Variants in PARD3B observed in about 807,000 individuals in gnomAD.
PARD3B encodes the protein partitioning defective 3 homolog B.
In PARD3B, 103 loss-of-function variants were observed where a neutral mutation model predicts 130.2. The observed-to-expected ratio is 0.79, with a 90% CI of 0.67 to 0.93. The LOEUF is 0.93. Among genes scored for constraint, PARD3B ranks in the 40% least tolerant of loss-of-function variants. The probability of loss-of-function intolerance (pLI) is 0.00; values close to 1 mark genes in which losing one functional copy is unlikely to be tolerated. For missense variants in PARD3B, 1,609 were observed against 1,499.2 expected, an observed-to-expected ratio of 1.07 and a Z score of -1.21; for synonymous variants, 583 against 553.2, an observed-to-expected ratio of 1.05 and a Z score of -0.76.
At chr2:205,188,408 G>C (rs547394134) in intron 14 of PARD3B, among the ~76,000 whole-genome samples, 1 of 152,160 alleles carries the variant, frequency 6.6e-6, no homozygotes, top group Non-Finnish European at 1.5e-5. Flanking sequence ...GCATTGAAGC[G>C]CTTTGAGCCT....
intron 10 of PARD3B, among the ~76,000 whole-genome samples, chr2:205,136,281 C>A (rs2032477179): frequency 6.6e-6 from 1 of 152,154 alleles, no homozygotes; most frequent in African/African-American, 2.4e-5. Flanking sequence ...TCGTACCTTT[C>A]TGGAACTAAG....
intron 15 of PARD3B, among the ~76,000 whole-genome samples, chr2:205,226,380 T>C (rs1223092458): frequency 1.3e-5 from 2 of 152,220 alleles, no homozygotes; most frequent in African/African-American, 4.8e-5. Context: ...TTTGCCCATG[T>C]TTGCAGTTGG....
intron 10 of PARD3B, among the ~76,000 whole-genome samples, chr2:205,137,201 AGACTTTAAAAGTCAAAG>A (rs1236996103): frequency 6.6e-6 from 1 of 152,186 alleles, no homozygotes; most frequent in Non-Finnish European, 1.5e-5. Context: ...TAAAGTCAAA[AGACTTTAAAAGTCAAAG>A]GACTTTAAAA....
chr2:205,262,651 TG>T (rs2040359131), intron 16 of PARD3B, among the ~76,000 whole-genome samples: 1 of 152,130 alleles, frequency 6.6e-6, no homozygotes, highest in Non-Finnish European at 1.5e-5. Flanking sequence ...ACGATTTTCT[TG>T]TGAATTGTCT....
intron 2 of PARD3B, among the ~76,000 whole-genome samples, chr2:204,923,912 A>T (rs1447700865): frequency 6.6e-6 from 1 of 152,080 alleles, no homozygotes; most frequent in Non-Finnish European, 1.5e-5. Flanking sequence ...AGTGATCCGA[A>T]TTGAATTTCA....
chr2:205,560,729 G>GA (rs1217921662), intron 22 of PARD3B, among the ~76,000 whole-genome samples: 1 of 152,008 alleles, frequency 6.6e-6, no homozygotes, highest in Admixed American at 6.6e-5. Context: ...TTACTTGGGA[G>GA]AAAAAAAGGT....
chr2:205,464,243 T>C (rs1392288069), intron 20 of PARD3B, among the ~76,000 whole-genome samples: 2 of 152,112 alleles, frequency 1.3e-5, no homozygotes, highest in East Asian at 3.9e-4. Context: ...ACTGTAAAAA[T>C]AGTTGTAAAA....
chr2:204,702,718 G>C (rs2037951968), intron 2 of PARD3B, among the ~76,000 whole-genome samples: 1 of 152,046 alleles, frequency 6.6e-6, no homozygotes, highest in South Asian at 2.1e-4. Context: ...GGGATTACAG[G>C]CACTGGCCAC....
intron 22 of PARD3B, among the ~76,000 whole-genome samples, chr2:205,573,163 G>T (rs920281617): frequency 3.3e-5 from 5 of 152,144 alleles, no homozygotes; most frequent in African/African-American, 1.2e-4. Flanking sequence ...CTACCATGAC[G>T]TGGGGATTAT....
At chr2:204,687,567 C>T (rs1392201270) in intron 2 of PARD3B, among the ~76,000 whole-genome samples, 2 of 152,152 alleles carry the variant, frequency 1.3e-5, no homozygotes, top group Non-Finnish European at 2.9e-5. Flanking sequence ...GACAGCTTTA[C>T]TTTCTACACT....
At chr2:204,699,230 C>T (rs972773877) in intron 2 of PARD3B, among the ~76,000 whole-genome samples, 2 of 152,066 alleles carry the variant, frequency 1.3e-5, no homozygotes, top group African/African-American at 4.8e-5. Context: ...GAGCCCTGGG[C>T]CCCTAAATGG....
At chr2:205,151,828 A>G (rs7603951) in intron 10 of PARD3B, among the ~76,000 whole-genome samples, 1 of 152,136 alleles carries the variant, frequency 6.6e-6, no homozygotes, top group Admixed American at 6.5e-5. Flanking sequence ...TATTTTGCCC[A>G]TTAGTTGATG....
At position 204,780,693 on chromosome 2, in the gene PARD3B, G is replaced by A. The variant is rs75309153; in HGVS notation, c.222+94411G>A. ...TGATCTTATAGTGCATAGAAGCTAC[G>A]TATCTGAGTGGAAAAACAGACGCAT... On this transcript the variant is annotated intron_variant, in intron 2 of 22. Transcript: ENST00000406610. Among the ~76,000 whole-genome samples, 1,125 of 152,156 alleles carry A rather than the reference G, an allele frequency of 7.4e-3. 12 individuals are homozygous for A. The highest frequency in any genetic ancestry group is 0.026 in the African/African-American group (1,059 of 41,512).
At chr2:205,049,611 A>G (rs939056384) in intron 4 of PARD3B, among the ~76,000 whole-genome samples, 2 of 152,160 alleles carry the variant, frequency 1.3e-5, no homozygotes, top group Admixed American at 6.5e-5. Flanking sequence ...GATGACATCA[A>G]TGTTACTTTC....
chr2:204,760,967 T>C (rs895627856), intron 2 of PARD3B, among the ~76,000 whole-genome samples: 2 of 152,210 alleles, frequency 1.3e-5, no homozygotes, highest in African/African-American at 4.8e-5. Flanking sequence ...TGTTGACTAT[T>C]TTCTATATGC....
chr2:204,965,080 C>T (rs10191275), intron 2 of PARD3B, 72 bp from the exon 3 acceptor site: 30,693 of 1,435,336 alleles, frequency 0.021, 414 homozygotes, highest in African/African-American at 0.042. Flanking sequence ...ATAAAGATCA[C>T]GTTCAGCTAG....
intron 15 of PARD3B, among the ~76,000 whole-genome samples, chr2:205,211,937 A>T (rs1176048739): frequency 6.6e-6 from 1 of 152,154 alleles, no homozygotes; most frequent in Non-Finnish European, 1.5e-5. Context: ...GAATTGGAGA[A>T]CATTTAGCAT....
At chr2:204,754,019 C>T (rs1393639253) in intron 2 of PARD3B, among the ~76,000 whole-genome samples, 3 of 152,162 alleles carry the variant, frequency 2.0e-5, no homozygotes, top group Admixed American at 1.3e-4. Flanking sequence ...TGCAGCCAGG[C>T]TGGCTGATGC....
rs191406320 is a variant in PARD3B at position 205,108,593 on chromosome 2, C to G, written c.593+4079C>G. Among the ~76,000 whole-genome samples the G allele has an allele frequency of 9.2e-5, 14 of 152,202 alleles. No individual in the cohort carries two copies. The East Asian group carries it at 2.7e-3, about 30-fold the overall frequency. ...AATATCTCCATACAGTTGACTTTCT[C>G]TCCTGTGCATGCCCACTCCATCCCC... is the stretch of plus-strand genomic sequence containing the variant. On this transcript the variant is annotated intron_variant, in intron 5 of 22. Coordinates refer to ENST00000406610, the MANE Select transcript of PARD3B (RefSeq NM_001302769.2).
Sources: gnomAD v4.1 joint callset for allele counts (sites outside exome capture counted in the v4.1 genomes callset) on GRCh38, gnomAD v4.1.1 for gene constraint, MANE v1.5 for transcripts, NCBI Gene and HGNC (gene_info 2026-07-23, HGNC 2026-07-21) for gene names.